The following BLK variants were observed in gnomAD, a reference collection of about 807,000 sequenced individuals.
BLK encodes the protein BLK proto-oncogene, Src family tyrosine kinase.
A neutral mutation model predicts 61.8 loss-of-function variants in BLK; 64 were observed. The ratio of observed to expected loss-of-function variants is 1.03; its 90% CI spans 0.85 to 1.27. The LOEUF is 1.27. Ranked by LOEUF, BLK falls within the 50% of genes most tolerant of loss-of-function variation. The pLI is 0.00. For synonymous variants in BLK, 351 were observed against 272.0 expected (o/e 1.29, Z -2.86); for missense variants, 853 against 660.5 (o/e 1.29, Z -3.19).
At chr8:11,542,652 G>A (rs1030981900) in intron 1 of BLK, among the ~76,000 whole-genome samples, 1 of 152,180 alleles carries the variant, frequency 6.6e-6, no homozygotes, top group Non-Finnish European at 1.5e-5. Flanking sequence ...CCTTTAAGGA[G>A]ACCCCTGATA....
At chr8:11,562,852 GC>G in intron 11 of BLK, 126 bp from the exon 12 acceptor site, 1 of 1,352,790 alleles carries the variant, frequency 7.4e-7, no homozygotes, top group Non-Finnish European at 1.0e-6. Context: ...ATGCCTGGCC[GC>G]CCCGCCCTGT....
intron 1 of BLK, among the ~76,000 whole-genome samples, chr8:11,516,231 G>C (rs1799219459): frequency 6.6e-6 from 1 of 152,214 alleles, no homozygotes; most frequent in Admixed American, 6.5e-5. Context: ...ACAGAAAGTA[G>C]AACGGGGGTG....
intron 1 of BLK, among the ~76,000 whole-genome samples, chr8:11,541,382 C>T (rs147432845): frequency 6.6e-6 from 1 of 152,152 alleles, no homozygotes; most frequent in African/African-American, 2.4e-5. Context: ...GAAAATTTAC[C>T]AACATAATTT....
chr8:11,550,889 G>A (rs1232756719), intron 6 of BLK, among the ~76,000 whole-genome samples: 3 of 152,160 alleles, frequency 2.0e-5, no homozygotes, highest in Non-Finnish European at 4.4e-5. Context: ...CATGAAGTAT[G>A]AATGTGTAAT....
chr8:11,507,834 T>C (rs757734218), intron 1 of BLK, among the ~76,000 whole-genome samples: 1 of 152,042 alleles, frequency 6.6e-6, no homozygotes, highest in Non-Finnish European at 1.5e-5. Flanking sequence ...GCAAGCTAGT[T>C]TTCTCCCCGA....
intron 1 of BLK, among the ~76,000 whole-genome samples, chr8:11,507,224 C>G (rs28411038): frequency 1.3e-5 from 2 of 152,156 alleles, no homozygotes; most frequent in African/African-American, 4.8e-5. Flanking sequence ...GAAACTGAAG[C>G]GGGCTAGGGA....
At chr8:11,498,230 A>G (rs138527007) in intron 1 of BLK, among the ~76,000 whole-genome samples, 305 of 152,310 alleles carry the variant, frequency 2.0e-3, no homozygotes, top group African/African-American at 6.9e-3. Context: ...CAGGTCGTTC[A>G]AGTGCAGGAA....
chr8:11,553,362 G>C (rs773244304), intron 6 of BLK: 4 of 450,134 alleles, frequency 8.9e-6, no homozygotes, highest in Non-Finnish European at 1.8e-5. Flanking sequence ...GGGCAGTCCA[G>C]ACATACCACA....
chr8:11,538,249 G>A (rs933985356), intron 1 of BLK, among the ~76,000 whole-genome samples: 3 of 152,174 alleles, frequency 2.0e-5, no homozygotes, highest in African/African-American at 7.2e-5. Flanking sequence ...AAAGCCATCT[G>A]GAGCCCCAGC....
At chr8:11,544,505 C>T (rs931439204) in intron 2 of BLK, among the ~76,000 whole-genome samples, 2 of 152,134 alleles carry the variant, frequency 1.3e-5, no homozygotes, top group East Asian at 1.9e-4. Flanking sequence ...CCAGTCTCAG[C>T]GCACAACCAC....
At chr8:11,523,490 T>C (rs1402335916) in intron 1 of BLK, among the ~76,000 whole-genome samples, 1 of 151,928 alleles carries the variant, frequency 6.6e-6, no homozygotes, top group Non-Finnish European at 1.5e-5. Context: ...GAGAAGGAGA[T>C]TGCAGTGAGC....
In BLK at chr8:11,548,664, A is replaced by T. The variant is rs149731493; in HGVS notation, c.270-360A>T. On this transcript the variant is annotated intron_variant, in intron 4 of 12. Coordinates refer to ENST00000259089, the MANE Select transcript of BLK (RefSeq NM_001715.3). ...TCTCCAAAGGCCCTGAGCCAAGCTC[A>T]CGAAGGTCCTGACTGCTGATTCTAT... Among the ~76,000 whole-genome samples the T allele has an allele frequency of 3.0e-4, 45 of 152,302 alleles. 1 individual carries two copies. The East Asian group carries it at 8.7e-3, about 29-fold the overall frequency.
At chr8:11,546,869 C>T (rs1013338317) in intron 3 of BLK, among the ~76,000 whole-genome samples, 4 of 152,242 alleles carry the variant, frequency 2.6e-5, no homozygotes, top group African/African-American at 4.8e-5. Context: ...AGCCACTGTG[C>T]GTGGCCCCTA....
At chr8:11,550,118 C>A in intron 5 of BLK, 41 bp from the exon 6 acceptor site, 2 of 1,561,598 alleles carry the variant, frequency 1.3e-6, no homozygotes, top group Non-Finnish European at 8.8e-7. Flanking sequence ...CTCCGAGGAG[C>A]AGGGTCGCTC....
intron 10 of BLK, chr8:11,561,001 C>A (rs375227470): frequency 1.7e-6 from 1 of 583,980 alleles, no homozygotes; most frequent in Non-Finnish European, 3.2e-6. Context: ...TTTCTCCTGC[C>A]TGTGTTCTTC....
chr8:11,527,802 C>A lies in BLK; in HGVS notation c.-1-15422C>A, dbSNP rs536864993. Among the ~76,000 whole-genome samples the A allele has an allele frequency of 1.1e-4, 17 of 151,740 alleles. No homozygotes were observed. In the East Asian group the frequency reaches 3.1e-3, roughly 28 times the overall value. ...AAAAAAAAAAAAAATCTCAAAAGAC[C>A]AATCTTAGGTTCTGCAATAGTGATG... On this transcript the variant is annotated intron_variant, in intron 1 of 12. Transcript: ENST00000259089.
chr8:11,534,819 C>A (rs181094874), intron 1 of BLK, among the ~76,000 whole-genome samples: 6 of 152,344 alleles, frequency 3.9e-5, no homozygotes, highest in South Asian at 2.1e-4. Flanking sequence ...ACAGAGCAGC[C>A]TCTCACCATC....
chr8:11,527,135 C>T (rs111440203), intron 1 of BLK, among the ~76,000 whole-genome samples: 3,704 of 152,166 alleles, frequency 0.024, 106 homozygotes, highest in African/African-American at 0.071. Context: ...TTAATGTGGA[C>T]GTCTAGACAG....
chr8:11,539,993 A>G (rs1327643211), intron 1 of BLK, among the ~76,000 whole-genome samples: 1 of 152,174 alleles, frequency 6.6e-6, no homozygotes, highest in Non-Finnish European at 1.5e-5. Flanking sequence ...TCTATTGCTT[A>G]TCTACGAACT....
Sources: gnomAD v4.1 joint callset for allele counts (sites outside exome capture counted in the v4.1 genomes callset) on GRCh38, gnomAD v4.1.1 for gene constraint, MANE v1.5 for transcripts, NCBI Gene and HGNC (gene_info 2026-07-23, HGNC 2026-07-21) for gene names.